Variants in RNF180 observed in about 807,000 individuals in gnomAD.
RNF180 encodes the protein E3 ubiquitin-protein ligase RNF180.
Under a neutral mutation model 59.2 loss-of-function variants are expected in RNF180, and 38 were observed. The observed-to-expected ratio is 0.64, with a 90% CI of 0.50 to 0.84. The LOEUF (loss-of-function observed/expected upper bound fraction) is 0.84, where lower values mean the gene tolerates loss of function less well. RNF180 is among the 40% of genes least tolerant of loss of function. The pLI, the probability that RNF180 is intolerant of heterozygous loss-of-function variation, is 0.00. For missense variants in RNF180, 705 were observed against 700.9 expected (o/e 1.01, Z -0.07); for synonymous variants, 262 against 240.3 (o/e 1.09, Z -0.84).
intron 5 of RNF180, among the ~76,000 whole-genome samples, chr5:64,324,697 G>A (rs1744544340): frequency 6.6e-6 from 1 of 152,078 alleles, no homozygotes; most frequent in Non-Finnish European, 1.5e-5. Flanking sequence ...CTCTTTCTTT[G>A]AGGTCCAGGA....
intron 5 of RNF180, among the ~76,000 whole-genome samples, chr5:64,315,707 G>A (rs1184477394): frequency 7.1e-6 from 1 of 140,480 alleles, no homozygotes; most frequent in East Asian, 2.1e-4. Flanking sequence ...TTGCACTCCA[G>A]TCTGGGCAAC....
chr5:64,205,867 G>A (rs1751989229), intron 2 of RNF180, among the ~76,000 whole-genome samples: 1 of 151,920 alleles, frequency 6.6e-6, no homozygotes, highest in South Asian at 2.1e-4. Context: ...AACACTTACA[G>A]GATAGACAGA....
At chr5:64,169,418 T>A (rs1017610354) in intron 1 of RNF180, among the ~76,000 whole-genome samples, 3 of 152,216 alleles carry the variant, frequency 2.0e-5, no homozygotes, top group Non-Finnish European at 2.9e-5. Flanking sequence ...TTTTATCATA[T>A]CAGCTGGAGA....
rs148075251 is a variant in RNF180, at chr5:64,167,121, T to C, written c.-1+1168T>C. ...GTCTCTTGTATAAATGTAGTGCCAC[T>C]GGCAGCCCAAAGATACTTTGGTGAC... On this transcript the variant is annotated intron_variant, in intron 1 of 7. Coordinates refer to ENST00000389100, the MANE Select transcript of RNF180 (RefSeq NM_001113561.2). Among the ~76,000 whole-genome samples the C allele has an allele frequency of 1.5e-4, 23 of 152,324 alleles. No individual in the cohort carries two copies. In the East Asian group the frequency reaches 3.9e-3, roughly 26 times the overall value.
intron 5 of RNF180, among the ~76,000 whole-genome samples, chr5:64,321,091 AT>A (rs1208152256): frequency 1.3e-5 from 2 of 152,006 alleles, no homozygotes; most frequent in African/African-American, 4.8e-5. Flanking sequence ...GAAGCATTCC[AT>A]TTGAAAACCA....
At position 64,325,396 on chromosome 5, in the gene RNF180, G is replaced by A. The variant is rs1744588560; in HGVS notation, c.1438G>A (p.Val480Ile). The change falls in exon 6 of 8, where the codon GTC (valine) becomes ATC (isoleucine). Residue 480 changes from valine (V) to isoleucine (I), a missense_variant. Transcript: ENST00000389100. ...CPLCRTIISRVFFQTELNNAT... is the reference protein window; with the variant it reads ...CPLCRTIISRIFFQTELNNAT... ...ATTGTGTCGGACAATTATTTCTAGA[G>A]TCTTTTTCCAAACAGGTAACAATTC... The A allele has an allele frequency of 6.5e-7, 1 of 1,549,702 alleles. No homozygotes were observed. Among genetic ancestry groups the A allele is most frequent in the Non-Finnish European group, 8.7e-7 (1 of 1,145,228 alleles).
intron 7 of RNF180, among the ~76,000 whole-genome samples, chr5:64,341,937 A>C (rs556344128): frequency 5.3e-5 from 8 of 152,292 alleles, no homozygotes; most frequent in Non-Finnish European, 1.2e-4. Context: ...CTGCTTCAAC[A>C]CTAGAAGAGT....
At chr5:64,319,130 C>A (rs1487107821) in intron 5 of RNF180, among the ~76,000 whole-genome samples, 1 of 150,166 alleles carries the variant, frequency 6.7e-6, no homozygotes, top group Non-Finnish European at 1.5e-5. Flanking sequence ...TGGAAATTCT[C>A]TGTACTTTCT....
At chr5:64,211,791 GTAAC>G (rs1752325656) in intron 2 of RNF180, among the ~76,000 whole-genome samples, 2 of 152,160 alleles carry the variant, frequency 1.3e-5, no homozygotes. Context: ...TGTTCATTCA[GTAAC>G]TAACTGCTAA....
chr5:64,235,952 A>C (rs1050353138), intron 5 of RNF180, among the ~76,000 whole-genome samples: 4 of 152,228 alleles, frequency 2.6e-5, no homozygotes, highest in Non-Finnish European at 5.9e-5. Flanking sequence ...ACCCAGTCCC[A>C]GGTAGTACAT....
At position 64,213,921 on chromosome 5, in the gene RNF180, C is replaced by T; in HGVS notation, c.595C>T (p.Leu199=). 1 of 1,614,078 alleles carries T rather than the reference C, an allele frequency of 6.2e-7. No homozygotes were observed. Among genetic ancestry groups the T allele is most frequent in the Non-Finnish European group, 8.5e-7 (1 of 1,180,018 alleles). Residue 199 remains leucine (L), a synonymous_variant, in exon 4 of 8, where the codon CTG becomes TTG. Transcript: ENST00000389100. ...TTTTGAGATGAAGAACGAAAAACTG[C>T]TGTCCAAAGCATCAGAACCAAAATA... The part of the protein sequence containing the change: ...TYFEMKNEKL[L]SKASEPKYQL...
intron 1 of RNF180, among the ~76,000 whole-genome samples, chr5:64,180,104 G>A (rs910124774): frequency 2.0e-5 from 3 of 151,980 alleles, no homozygotes; most frequent in Non-Finnish European, 4.4e-5. Flanking sequence ...AATTTGTTTT[G>A]TAGAATTAAT....
chr5:64,347,301 T>TA (rs1240190408), intron 7 of RNF180, among the ~76,000 whole-genome samples: 2 of 152,118 alleles, frequency 1.3e-5, no homozygotes, highest in African/African-American at 2.4e-5. Context: ...TTCCAGTCTA[T>TA]AAAAAATTAC....
chr5:64,268,505 T>C (rs974832825), intron 5 of RNF180, among the ~76,000 whole-genome samples: 2 of 152,188 alleles, frequency 1.3e-5, no homozygotes, highest in Non-Finnish European at 2.9e-5. Flanking sequence ...TACTTGTGTA[T>C]GTATGCTCTG....
chr5:64,281,511 T>G (rs1742009052), intron 5 of RNF180, among the ~76,000 whole-genome samples: 1 of 152,142 alleles, frequency 6.6e-6, no homozygotes, highest in African/African-American at 2.4e-5. Flanking sequence ...GAGGACTTTT[T>G]TTTTTGAGAT....
At chr5:64,303,985 TG>T (rs1278629934) in intron 5 of RNF180, among the ~76,000 whole-genome samples, 2 of 151,640 alleles carry the variant, frequency 1.3e-5, no homozygotes, top group African/African-American at 2.4e-5. Context: ...TCAATTTACC[TG>T]TTTCATAAAT....
Position 64,236,638 on chromosome 5 carries a change from C to T in RNF180, c.1227+19242C>T, listed in dbSNP as rs150554832. Among the ~76,000 whole-genome samples, 134 of 152,254 alleles carry T rather than the reference C, an allele frequency of 8.8e-4. 1 individual carries two copies. The highest frequency in any genetic ancestry group is 3.1e-3 in the African/African-American group (127 of 41,538). On this transcript the variant is annotated intron_variant, in intron 5 of 7. Coordinates refer to ENST00000389100, the MANE Select transcript of RNF180 (RefSeq NM_001113561.2). Reference sequence around the variant, plus strand: ...CAATGAGGAAAATATCTCCACGGCACGTCAGAGATCTTTGTGGCAGCCCCT... The same window carrying T: ...CAATGAGGAAAATATCTCCACGGCATGTCAGAGATCTTTGTGGCAGCCCCT...
intron 1 of RNF180, among the ~76,000 whole-genome samples, chr5:64,186,180 A>C (rs972811076): frequency 6.6e-6 from 1 of 152,108 alleles, no homozygotes; most frequent in Admixed American, 6.6e-5. Flanking sequence ...AGTAAAAAGG[A>C]TTTTGAAGCC....
chr5:64,244,002 G>C (rs1350052788), intron 5 of RNF180, among the ~76,000 whole-genome samples: 1 of 152,142 alleles, frequency 6.6e-6, no homozygotes, highest in Non-Finnish European at 1.5e-5. Context: ...AGAGGGGCCT[G>C]ACTGTTAGAA....
Sources: allele counts gnomAD v4.1 joint callset (sites outside exome capture counted in the v4.1 genomes callset), GRCh38; gene constraint gnomAD v4.1.1; transcripts MANE v1.5; gene names NCBI Gene and HGNC (gene_info 2026-07-23, HGNC 2026-07-21).